The following PTK2 variants were observed in gnomAD, a reference collection of about 807,000 sequenced individuals.
PTK2 encodes the protein focal adhesion kinase 1.
In PTK2, 45 loss-of-function variants were observed where a neutral mutation model predicts 150.1. The observed-to-expected ratio is 0.30, with a 90% CI of 0.24 to 0.38. The LOEUF is 0.38. PTK2 is among the 10% of genes least tolerant of loss of function. The pLI, the probability that PTK2 is intolerant of heterozygous loss-of-function variation, is 1.00. For missense variants in PTK2, 919 were observed against 1,307.3 expected, an observed-to-expected ratio of 0.70 and a Z score of 4.58; for synonymous variants, 432 against 449.2, an observed-to-expected ratio of 0.96 and a Z score of 0.48.
intron 2 of PTK2, chr8:140,892,756 C>CTA (rs1020555526): frequency 6.0e-5 from 14 of 234,296 alleles, no homozygotes; most frequent in African/African-American, 1.7e-4. Context: ...AGCTAATACC[C>CTA]TATATATATA....
At chr8:140,879,677 A>ATT in intron 3 of PTK2, 40 bp from the exon 4 acceptor site, 12 of 573,618 alleles carry the variant, frequency 2.1e-5, no homozygotes, top group African/African-American at 5.5e-5. Flanking sequence ...TTATAAACTG[A>ATT]AAAAAAAAAA....
intron 2 of PTK2, among the ~76,000 whole-genome samples, chr8:140,914,376 T>C (rs1431852462): frequency 6.6e-6 from 1 of 151,638 alleles, no homozygotes; most frequent in Non-Finnish European, 1.5e-5. Flanking sequence ...GTGAACACTT[T>C]ACAAAAATCA....
chr8:140,822,579 T>C (rs773548518), intron 8 of PTK2, among the ~76,000 whole-genome samples: 1 of 152,230 alleles, frequency 6.6e-6, no homozygotes, highest in Non-Finnish European at 1.5e-5. Flanking sequence ...TCTTTTTACT[T>C]GCTATGAGAC....
chr8:140,965,962 C>G (rs866989703), intron 1 of PTK2, among the ~76,000 whole-genome samples: 1 of 152,226 alleles, frequency 6.6e-6, no homozygotes, highest in Admixed American at 6.5e-5. Flanking sequence ...AACTTAAGCA[C>G]TATTAATTAA....
intron 1 of PTK2, among the ~76,000 whole-genome samples, chr8:140,935,943 G>A (rs555926885): frequency 2.6e-5 from 4 of 151,992 alleles, no homozygotes; most frequent in South Asian, 2.1e-4. Context: ...CACCACACCC[G>A]GCCTGTCCTC....
chr8:140,824,761 T>C (rs1293319903), intron 8 of PTK2, among the ~76,000 whole-genome samples: 2 of 152,228 alleles, frequency 1.3e-5, no homozygotes, highest in African/African-American at 4.8e-5. Context: ...CTTGCAGAAC[T>C]TGTTTAAGTA....
intron 1 of PTK2, among the ~76,000 whole-genome samples, chr8:140,931,205 T>C (rs536750546): frequency 2.6e-5 from 4 of 152,206 alleles, no homozygotes; most frequent in Non-Finnish European, 5.9e-5. Flanking sequence ...TCTCTCTAGA[T>C]AGAATCACTG....
At chr8:140,708,658 A>T (rs2154171671) in intron 23 of PTK2, among the ~76,000 whole-genome samples, 1 of 152,194 alleles carries the variant, frequency 6.6e-6, no homozygotes, top group South Asian at 2.1e-4. Flanking sequence ...AAAACACCCC[A>T]AACAGGAAAA....
chr8:140,756,280 A>C (rs891884271), intron 16 of PTK2, among the ~76,000 whole-genome samples: 2 of 148,700 alleles, frequency 1.3e-5, no homozygotes, highest in African/African-American at 5.0e-5. Context: ...TGGAGATCAC[A>C]TCACTGCACT....
chr8:140,768,695 A>ACT (rs1254270609), intron 14 of PTK2, among the ~76,000 whole-genome samples: 1 of 152,230 alleles, frequency 6.6e-6, no homozygotes, highest in Non-Finnish European at 1.5e-5. Flanking sequence ...TCAAGTCAGT[A>ACT]AAGTGTCACA....
intron 27 of PTK2, among the ~76,000 whole-genome samples, chr8:140,684,110 G>A (rs1420760454): frequency 6.6e-6 from 1 of 152,148 alleles, no homozygotes; most frequent in African/African-American, 2.4e-5. Context: ...CACAGAAAAC[G>A]CCATAGTCTT....
intron 15 of PTK2, among the ~76,000 whole-genome samples, chr8:140,761,707 AATT>A (rs1225891933): frequency 6.6e-6 from 1 of 152,106 alleles, no homozygotes; most frequent in Non-Finnish European, 1.5e-5. Context: ...AGCAACATAA[AATT>A]ATGTCATAAG....
chr8:140,850,702 C>T (rs1445148692), intron 5 of PTK2, among the ~76,000 whole-genome samples: 1 of 152,050 alleles, frequency 6.6e-6, no homozygotes, highest in African/African-American at 2.4e-5. Flanking sequence ...TGCACTCCAG[C>T]CTGGGCGACA....
intron 17 of PTK2, among the ~76,000 whole-genome samples, chr8:140,749,976 A>G (rs1593680674): frequency 6.6e-6 from 1 of 152,350 alleles, no homozygotes; most frequent in East Asian, 1.9e-4. Context: ...TAAAATTTTC[A>G]TTTTTGAAAA....
chr8:140,754,077 A>G (rs1425646277), intron 16 of PTK2, among the ~76,000 whole-genome samples: 1 of 152,240 alleles, frequency 6.6e-6, no homozygotes, highest in African/African-American at 2.4e-5. Flanking sequence ...AGGAAATAAA[A>G]CATTTTCAAA....
chr8:140,980,260 A>T (rs2100190915), intron 1 of PTK2, among the ~76,000 whole-genome samples: 1 of 152,244 alleles, frequency 6.6e-6, no homozygotes, highest in South Asian at 2.1e-4. Context: ...TTTTAAAATC[A>T]GAGTGCAGGA....
intron 14 of PTK2, among the ~76,000 whole-genome samples, chr8:140,772,300 G>A (rs78130115): frequency 0.013 from 1,964 of 152,282 alleles, 18 homozygotes; most frequent in Non-Finnish European, 0.022. Context: ...GTGGAGTCAC[G>A]TACCCGTGGG....
At chr8:140,812,446 C>G (rs1293958754) in intron 10 of PTK2, among the ~76,000 whole-genome samples, 1 of 152,156 alleles carries the variant, frequency 6.6e-6, no homozygotes, top group Non-Finnish European at 1.5e-5. Flanking sequence ...ATCACAAAAA[C>G]ACAGACCAGT....
chr8:140,845,026 T>C (rs1023737497), intron 7 of PTK2, among the ~76,000 whole-genome samples: 1 of 152,122 alleles, frequency 6.6e-6, no homozygotes, highest in Non-Finnish European at 1.5e-5. Context: ...CCAGTCAGAC[T>C]CTACCTCTGC....
Sources: allele counts gnomAD v4.1 joint callset (sites outside exome capture counted in the v4.1 genomes callset), GRCh38; gene constraint gnomAD v4.1.1; transcripts MANE v1.5; gene names NCBI Gene and HGNC (gene_info 2026-07-23, HGNC 2026-07-21).